Variants in PDE11A observed in about 807,000 individuals in gnomAD.
PDE11A encodes the protein dual 3',5'-cyclic-AMP and -GMP phosphodiesterase 11A.
PDE11A carries 100 observed loss-of-function variants against 100.5 expected under a neutral mutation model. The observed-to-expected ratio is 1.00, with a 90% confidence interval of 0.85 to 1.18. The LOEUF (loss-of-function observed/expected upper bound fraction) is 1.18, where lower values mean the gene tolerates loss of function less well. PDE11A is among the 50% of genes most tolerant of loss of function. The probability of loss-of-function intolerance (pLI) is 0.00; values close to 1 mark genes in which losing one functional copy is unlikely to be tolerated. For synonymous variants in PDE11A, 381 were observed against 420.8 expected (o/e 0.91, Z 1.16); for missense variants, 1,141 against 1,152.6 (o/e 0.99, Z 0.15).
chr2:178,047,514 C>T (rs2086767013), intron 1 of PDE11A, among the ~76,000 whole-genome samples: 1 of 151,704 alleles, frequency 6.6e-6, no homozygotes, highest in African/African-American at 2.4e-5. Flanking sequence ...TGGCTTTTCC[C>T]CAGCTATCCT....
chr2:177,946,477 C>G (rs1354385767), intron 2 of PDE11A, among the ~76,000 whole-genome samples: 7 of 4,274 alleles, frequency 1.6e-3, no homozygotes, highest in East Asian at 8.8e-3. Context: ...GCCCCCCGCC[C>G]GGCCAGCCGC....
intron 2 of PDE11A, among the ~76,000 whole-genome samples, chr2:178,098,965 C>T (rs2105887751): frequency 6.6e-6 from 1 of 152,250 alleles, no homozygotes; most frequent in Non-Finnish European, 1.5e-5. Context: ...TATCCTAGTT[C>T]CACCATTTAT....
intron 2 of PDE11A, among the ~76,000 whole-genome samples, chr2:177,970,426 T>C (rs1164153900): frequency 6.6e-6 from 1 of 152,002 alleles, no homozygotes; most frequent in African/African-American, 2.4e-5. Context: ...TAGTTAGATA[T>C]AGACATGAGA....
chr2:177,987,254 G>C (rs2085951767), intron 2 of PDE11A, among the ~76,000 whole-genome samples: 1 of 152,158 alleles, frequency 6.6e-6, no homozygotes. Context: ...AGGGAAAAGG[G>C]TAAAGAACCA....
upstream of PDE11A, chr2:178,072,939 C>A (rs2087158759): frequency 2.0e-6 from 2 of 985,254 alleles, no homozygotes; most frequent in African/African-American, 3.5e-5. Context: ...CTCTGGACGG[C>A]CGGAATCGGC....
At chr2:178,068,969 A>C (rs1412510665) in intron 1 of PDE11A, among the ~76,000 whole-genome samples, 3 of 152,228 alleles carry the variant, frequency 2.0e-5, no homozygotes, top group Non-Finnish European at 4.4e-5. Flanking sequence ...TGGTTTCAAA[A>C]TACTTAATTT....
chr2:177,806,438 G>A (rs927774515), intron 9 of PDE11A, among the ~76,000 whole-genome samples: 3 of 152,152 alleles, frequency 2.0e-5, no homozygotes, highest in African/African-American at 7.2e-5. Context: ...CTAAAGCATT[G>A]CAGATGGTCA....
At chr2:177,782,263 A>G (rs922278587) in intron 9 of PDE11A, among the ~76,000 whole-genome samples, 1 of 152,316 alleles carries the variant, frequency 6.6e-6, no homozygotes, top group African/African-American at 2.4e-5. Flanking sequence ...TAAGATGACC[A>G]CACATTCTTT....
intron 19 of PDE11A, among the ~76,000 whole-genome samples, chr2:177,656,556 G>T (rs1037634766): frequency 1.3e-5 from 2 of 152,206 alleles, no homozygotes; most frequent in Non-Finnish European, 2.9e-5. Context: ...TGCTTATACT[G>T]CATCCCATCA....
intron 2 of PDE11A, among the ~76,000 whole-genome samples, chr2:178,086,723 A>C (rs1165118641): frequency 6.6e-6 from 1 of 152,198 alleles, no homozygotes; most frequent in Non-Finnish European, 1.5e-5. Context: ...GTTAAATGTG[A>C]GGAAGTGGTT....
chr2:178,002,235 A>C (rs983378522), intron 2 of PDE11A, among the ~76,000 whole-genome samples: 1 of 152,190 alleles, frequency 6.6e-6, no homozygotes, highest in African/African-American at 2.4e-5. Flanking sequence ...TGTTGCTGCA[A>C]AGGATATGAT....
chr2:177,720,673 A>C (rs1559159531), intron 12 of PDE11A, among the ~76,000 whole-genome samples: 1 of 152,196 alleles, frequency 6.6e-6, no homozygotes, highest in South Asian at 2.1e-4. Flanking sequence ...AGCCAATTGC[A>C]GGTTGTCTAA....
At position 177,959,604 on chromosome 2, in the gene PDE11A, AATTG is replaced by A. The variant is rs771863461; in HGVS notation, c.1072-54421_1072-54418del. Reference sequence around the variant, plus strand: ...TTAAGCTAACAGGGACTTGCTGATGAATTGATTAATTTGAGTAGTGAGAAAAAGA... The same window carrying A: ...TTAAGCTAACAGGGACTTGCTGATGAATTAATTTGAGTAGTGAGAAAAAGA... On this transcript the variant is annotated intron_variant, in intron 2 of 19. Transcript: ENST00000286063. Among the ~76,000 whole-genome samples, 18 of 152,264 alleles carry A rather than the reference AATTG, an allele frequency of 1.2e-4. No individual in the cohort carries two copies. In the South Asian group the frequency reaches 1.5e-3, roughly 12 times the overall value.
At chr2:177,788,636 T>G (rs1279717783) in intron 9 of PDE11A, among the ~76,000 whole-genome samples, 12 of 151,802 alleles carry the variant, frequency 7.9e-5, no homozygotes, top group Non-Finnish European at 1.8e-4. Flanking sequence ...ATTGATAGAC[T>G]GCTAGCAAGA....
rs534442595 is a variant in PDE11A at position 177,722,146 on chromosome 2, C to T, written c.2043+5512G>A. On this transcript the variant is annotated intron_variant, in intron 12 of 19. Coordinates refer to ENST00000286063, the MANE Select transcript of PDE11A (RefSeq NM_016953.4). The stretch of plus-strand genomic sequence containing the variant: ...GAATAAATTCACTTTAATCAAAAAT[C>T]CTATATTGTAACTAGGCAGCCCCAG... 7.7e-4 allele frequency among the ~76,000 whole-genome samples: 117 copies of T among 152,248 alleles called. No individual in the cohort carries two copies. The Middle Eastern group carries it at 0.01, about 13-fold the overall frequency.
chr2:177,988,558 T>C (rs1288127822), intron 2 of PDE11A, among the ~76,000 whole-genome samples: 1 of 152,240 alleles, frequency 6.6e-6, no homozygotes, highest in East Asian at 1.9e-4. Context: ...AGTCCTGTGC[T>C]TGATTTAAAG....
chr2:177,707,183 T>G (rs2081293080), intron 13 of PDE11A, among the ~76,000 whole-genome samples: 1 of 152,176 alleles, frequency 6.6e-6, no homozygotes, highest in African/African-American at 2.4e-5. Context: ...TGGGCAAGTT[T>G]ACTTACCTTC....
chr2:177,639,234 T>C (rs1314073380), intron 19 of PDE11A, among the ~76,000 whole-genome samples: 1 of 152,176 alleles, frequency 6.6e-6, no homozygotes, highest in Admixed American at 6.5e-5. Context: ...CTGAAAAGTG[T>C]TGTTTCATAT....
intron 2 of PDE11A, chr2:178,104,192 A>G: frequency 1.1e-6 from 1 of 944,896 alleles, no homozygotes; most frequent in South Asian, 1.3e-5. Context: ...ATATGTAAAG[A>G]GTGGTCCATT....
Sources: gnomAD v4.1 joint callset for allele counts (sites outside exome capture counted in the v4.1 genomes callset) on GRCh38, gnomAD v4.1.1 for gene constraint, MANE v1.5 for transcripts, NCBI Gene and HGNC (gene_info 2026-07-23, HGNC 2026-07-21) for gene names.